Variants in NTSR2 observed in about 807,000 individuals in gnomAD.
NTSR2 encodes the protein neurotensin receptor type 2.
Under a neutral mutation model 24.1 loss-of-function variants are expected in NTSR2, and 22 were observed. That is an observed-to-expected ratio of 0.91 (90% CI 0.65 to 1.30). NTSR2 has a LOEUF of 1.30. NTSR2 is among the 50% of genes most tolerant of loss of function. The probability of loss-of-function intolerance (pLI) is 0.00; values close to 1 mark genes in which losing one functional copy is unlikely to be tolerated. For missense variants in NTSR2, 570 were observed against 570.4 expected, an observed-to-expected ratio of 1.00 and a Z score of 0.01; for synonymous variants, 291 against 267.0, an observed-to-expected ratio of 1.09 and a Z score of -0.88.
At chr2:11,666,123 A>G (rs528219215) in intron 1 of NTSR2, among the ~76,000 whole-genome samples, 1 of 152,296 alleles carries the variant, frequency 6.6e-6, no homozygotes, top group South Asian at 2.1e-4. Flanking sequence ...CTGAGGTACC[A>G]AGTGGCAGTG....
chr2:11,668,918 G>C (rs1661260511), intron 1 of NTSR2, among the ~76,000 whole-genome samples: 1 of 152,222 alleles, frequency 6.6e-6, no homozygotes, highest in African/African-American at 2.4e-5. Flanking sequence ...AAAAGCAGAA[G>C]AATGAGCTTT....
chr2:11,669,524 C>T lies in NTSR2; in HGVS notation c.606G>A (p.Ala202=). ...RVCTVLVSRT[A]LQVFIQVNVL... The stretch of plus-strand genomic sequence containing the variant: ...CCCTTACCTGGATAAAGACTTGGAG[C>T]GCGGTGCGGCTCACCAGCACCGTGC... Residue 202 remains alanine, a synonymous_variant, in exon 1 of 4, where the codon GCG becomes GCA. Transcript: ENST00000306928. 1.7e-6 allele frequency: 2 copies of T among 1,202,260 alleles called. No individual in the cohort carries two copies. The highest frequency in any genetic ancestry group is 2.1e-6 in the Non-Finnish European group (2 of 952,920). 74.5% of individuals were successfully genotyped at this position (1,202,260 alleles called of 1,614,324 possible).
intron 1 of NTSR2, 46 bp downstream of exon 1, chr2:11,669,460 G>GGGGGGGGCCCCCCCCCCCCCCC: frequency 3.9e-6 from 1 of 254,726 alleles, no homozygotes; most frequent in Non-Finnish European, 6.9e-6. Context: ...TCCCAGCACC[G>GGGGGGGGCCCCCCCCCCCCCCC]CCCCCCCACC....
chr2:11,667,831 C>T (rs951421842), intron 1 of NTSR2, among the ~76,000 whole-genome samples: 4 of 152,192 alleles, frequency 2.6e-5, no homozygotes, highest in African/African-American at 9.7e-5. Flanking sequence ...CCCAGACCCA[C>T]GGGAAAATCA....
chr2:11,669,460 G>GGGGGGGGGGGGGGGGGCCCCCCCCCC, intron 1 of NTSR2, 46 bp downstream of exon 1: 2 of 254,724 alleles, frequency 7.9e-6, no homozygotes, highest in East Asian at 5.5e-5. Flanking sequence ...TCCCAGCACC[G>GGGGGGGGGGGGGGGGGCCCCCCCCCC]CCCCCCCACC....
chr2:11,669,460 G>GGGGGGGGGGGGGGGCCCCCCCCCCCC, intron 1 of NTSR2, 46 bp downstream of exon 1: 15 of 254,718 alleles, frequency 5.9e-5, no homozygotes, highest in South Asian at 1.6e-4. Flanking sequence ...TCCCAGCACC[G>GGGGGGGGGGGGGGGCCCCCCCCCCCC]CCCCCCCACC....
At chr2:11,664,088 C>G (rs899400412) in intron 1 of NTSR2, among the ~76,000 whole-genome samples, 16 of 151,224 alleles carry the variant, frequency 1.1e-4, no homozygotes, top group African/African-American at 3.6e-4. Flanking sequence ...TTCTAAGGCT[C>G]TCTTCCACCT....
intron 1 of NTSR2, among the ~76,000 whole-genome samples, chr2:11,667,631 T>C (rs760041974): frequency 3.3e-5 from 5 of 152,148 alleles, no homozygotes; most frequent in Admixed American, 6.5e-5. Flanking sequence ...AGGCTTGAGC[T>C]ACTGCACCGA....
In NTSR2 at chr2:11,660,044, C is replaced by G. The variant is rs1661036199; in HGVS notation, c.988G>C (p.Asp330His). Residue 330 changes from aspartate to histidine, a missense_variant and splice_region_variant, in exon 3 of 4, where the codon GAC becomes CAC. Transcript: ENST00000306928. ...YCYVPDDAWT[D>H]PLYNFYHYFY... Reference sequence around the variant, plus strand: ...CTAGGGTCCTTCTGCCACACTCACTCAGTCCACGCGTCATCAGGTACGTAG... The same window carrying G: ...CTAGGGTCCTTCTGCCACACTCACTGAGTCCACGCGTCATCAGGTACGTAG... 6.2e-7 allele frequency: 1 copy of G among 1,612,786 alleles called. No homozygotes were observed. The highest frequency in any genetic ancestry group is 1.7e-5 in the Admixed American group (1 of 59,998).
Position 11,662,224 on chromosome 2 carries a change from G to A in NTSR2, c.641C>T (p.Ser214Phe), listed in dbSNP as rs747788485. 6.5e-7 allele frequency: 1 copy of A among 1,530,350 alleles called. No individual in the cohort carries two copies. The highest frequency in any genetic ancestry group is 8.8e-7 in the Non-Finnish European group (1 of 1,137,724). The allele number at this position is 1,530,350 out of a possible 1,614,324, so 94.8% of individuals were successfully genotyped here. A position where few individuals can be genotyped will look rare whatever the true frequency, so the allele number is the denominator to read the frequency against. The stretch of plus-strand genomic sequence containing the variant: ...AGTTAGTGCCAAGGGGAGCACGAAG[G>A]ACACCAGCACATTCACCTGTGGAGG... Reference protein sequence around the residue: ...QVFIQVNVLVSFVLPLALTAF... With the variant: ...QVFIQVNVLVFFVLPLALTAF... The change falls in exon 2 of 4, where the codon TCC becomes TTC. Residue 214 changes from serine (S) to phenylalanine (F), a missense_variant. Physicochemically the swap from Ser to Phe is radical, Grantham distance 155. Coordinates refer to ENST00000306928, the MANE Select transcript of NTSR2 (RefSeq NM_012344.4).
Position 11,661,950 on chromosome 2 carries a change from GT to G in NTSR2, c.898+16del. On this transcript the variant is annotated intron_variant, in intron 2 of 3. Transcript: ENST00000306928. Reference sequence around the variant, plus strand: ...TTAGGCCCCTTTCTTCTGGGGTGATGTTACAGAGGACTTAACTGAGAACCTG... The same window carrying G: ...TTAGGCCCCTTTCTTCTGGGGTGATGTACAGAGGACTTAACTGAGAACCTG... The G allele has an allele frequency of 6.5e-7, 1 of 1,539,060 alleles. No individual in the cohort carries two copies. The highest frequency in any genetic ancestry group is 1.3e-5 in the South Asian group (1 of 79,728).
At chr2:11,667,265 T>TG (rs1661224452) in intron 1 of NTSR2, among the ~76,000 whole-genome samples, 2 of 151,968 alleles carry the variant, frequency 1.3e-5, no homozygotes, top group Non-Finnish European at 2.9e-5. Context: ...AACATAGAGT[T>TG]CTGACTACAC....
rs758896080 is a variant in NTSR2 at position 11,662,208 on chromosome 2, C to G, written c.657G>C (p.Leu219Phe). ...VNVLVSFVLP[L>F]ALTAFLNGVT... ...CCCCATTCAGGAAAGCAGTTAGTGC[C>G]AAGGGGAGCACGAAGGACACCAGCA... Residue 219 changes from leucine (L) to phenylalanine (F), a missense_variant, in exon 2 of 4, where the codon TTG becomes TTC. Coordinates refer to ENST00000306928, the MANE Select transcript of NTSR2 (RefSeq NM_012344.4). The G allele has an allele frequency of 6.5e-7, 1 of 1,550,070 alleles. No homozygotes were observed. The highest frequency in any genetic ancestry group is 8.7e-7 in the Non-Finnish European group (1 of 1,147,518).
chr2:11,661,022 C>G (rs930941702), intron 2 of NTSR2, among the ~76,000 whole-genome samples: 10 of 152,192 alleles, frequency 6.6e-5, no homozygotes, highest in Non-Finnish European at 1.3e-4. Flanking sequence ...CACCCCTTCC[C>G]TCTCCTGCTT....
In NTSR2 at chr2:11,660,024, G is replaced by A. The variant is rs780969485; in HGVS notation, c.989+19C>T. 6.2e-7 allele frequency: 1 copy of A among 1,607,278 alleles called. No individual in the cohort carries two copies. Among genetic ancestry groups the A allele is most frequent in the Non-Finnish European group, 8.5e-7 (1 of 1,174,240 alleles). ...TTGGGCCCCCTCCCTGTGTGCTAGGGTCCTTCTGCCACACTCACTCAGTCC... is the reference window on the plus strand; with the variant it reads ...TTGGGCCCCCTCCCTGTGTGCTAGGATCCTTCTGCCACACTCACTCAGTCC... On this transcript the variant is annotated intron_variant, in intron 3 of 3. Transcript: ENST00000306928.
chr2:11,666,898 A>C (rs937115908), intron 1 of NTSR2, among the ~76,000 whole-genome samples: 12 of 152,174 alleles, frequency 7.9e-5, no homozygotes, highest in African/African-American at 2.7e-4. Context: ...CAGGCACTGT[A>C]CCAGGCTGGG....
At position 11,670,103 on chromosome 2, in the gene NTSR2, C is replaced by CG; in HGVS notation, c.26dup (p.Arg10AlafsTer250). 1.4e-6 allele frequency: 2 copies of CG among 1,392,404 alleles called. No individual in the cohort carries two copies. The highest frequency in any genetic ancestry group is 1.6e-5 in the South Asian group (1 of 61,566). The allele number at this position is 1,392,404 out of a possible 1,614,324, so 86.3% of individuals were successfully genotyped here. A position where few individuals can be genotyped will look rare whatever the true frequency, so the allele number is the denominator to read the frequency against. ...TCAGCCCCGGGTTGGAGCTGGGCCG[C>CG]GGGGGCCGCGGGCTGCTGGTTTCCA... On this transcript the variant is annotated frameshift_variant, in exon 1 of 4. Transcript: ENST00000306928. LOFTEE classifies it high-confidence loss of function.
chr2:11,669,802 C>T lies in NTSR2; in HGVS notation c.328G>A (p.Gly110Ser). 6.4e-7 allele frequency: 1 copy of T among 1,562,012 alleles called. No homozygotes were observed. Among genetic ancestry groups the T allele is most frequent in the South Asian group, 1.2e-5 (1 of 86,032 alleles). The change falls in exon 1 of 4, where the codon GGC becomes AGC. Residue 110 changes from glycine to serine, a missense_variant. Coordinates refer to ENST00000306928, the MANE Select transcript of NTSR2 (RefSeq NM_012344.4). Reference sequence around the variant, plus strand: ...CACAGCTCGTGCACGAAGTAGTAGCCGCGGCAGCCCAGGTCGCCGAAGACC... The same window carrying T: ...CACAGCTCGTGCACGAAGTAGTAGCTGCGGCAGCCCAGGTCGCCGAAGACC... ...PWVFGDLGCR[G>S]YYFVHELCAY...
At position 11,663,485 on chromosome 2, in the gene NTSR2, G is replaced by A. The variant is rs145261117; in HGVS notation, c.625-1245C>T. Among the ~76,000 whole-genome samples, 51 of 152,098 alleles carry A rather than the reference G, an allele frequency of 3.4e-4. 1 individual carries two copies. The highest frequency in any genetic ancestry group is 4.3e-4 in the African/African-American group (18 of 41,480). Reference sequence around the variant, plus strand: ...AAGGGCATTTACGCTTGTGATAGAGGAGCTGAAAATGAACTACAAATAGGT... The same window carrying A: ...AAGGGCATTTACGCTTGTGATAGAGAAGCTGAAAATGAACTACAAATAGGT... On this transcript the variant is annotated intron_variant, in intron 1 of 3. Coordinates refer to ENST00000306928, the MANE Select transcript of NTSR2 (RefSeq NM_012344.4).
Sources: allele counts gnomAD v4.1 joint callset (sites outside exome capture counted in the v4.1 genomes callset), GRCh38; gene constraint gnomAD v4.1.1; transcripts MANE v1.5; gene names NCBI Gene and HGNC (gene_info 2026-07-23, HGNC 2026-07-21).